The following PSMA8 variants were observed in gnomAD, a reference collection of about 807,000 sequenced individuals.
PSMA8 encodes the protein proteasome subunit alpha-type 8.
PSMA8 carries 18 observed loss-of-function variants against 32.4 expected under a neutral mutation model. The ratio of observed to expected loss-of-function variants is 0.56; its 90% CI spans 0.38 to 0.82. The LOEUF (loss-of-function observed/expected upper bound fraction) is 0.82. PSMA8 is among the 40% of genes least tolerant of loss of function. The pLI, the probability that PSMA8 is intolerant of heterozygous loss-of-function variation, is 0.00. For synonymous variants in PSMA8, 104 were observed against 98.1 expected (o/e 1.06, Z -0.36); for missense variants, 298 against 300.7 (o/e 0.99, Z 0.07).
intron 4 of PSMA8, among the ~76,000 whole-genome samples, chr18:26,166,449 A>T (rs1178331873): frequency 6.6e-6 from 1 of 152,196 alleles, no homozygotes; most frequent in Non-Finnish European, 1.5e-5. Context: ...ATACATTTGC[A>T]ATTAAAAACT....
At chr18:26,177,704 C>G (rs1444259594) in intron 4 of PSMA8, among the ~76,000 whole-genome samples, 1 of 152,114 alleles carries the variant, frequency 6.6e-6, no homozygotes, top group African/African-American at 2.4e-5. Flanking sequence ...AATAGAAGCC[C>G]TTCTTGCTTA....
chr18:26,171,359 G>C lies in PSMA8; in HGVS notation c.478-7471G>C. 7 of 1,433,618 alleles carry C rather than the reference G, an allele frequency of 4.9e-6. 1 individual carries two copies. Among genetic ancestry groups the C allele is most frequent in the Non-Finnish European group, 6.7e-6 (7 of 1,042,514 alleles). The allele number at this position is 1,433,618 out of a possible 1,614,324, so 88.8% of individuals were successfully genotyped here. On this transcript the variant is annotated intron_variant, in intron 4 of 6. Transcript: ENST00000415576. ...CGGTCAAGTTTGGCGCGAAATTGTC[G>C]GTATTTTGTTATGACATACCAAGCA...
intron 1 of PSMA8, among the ~76,000 whole-genome samples, chr18:26,135,082 C>A (rs1041800020): frequency 2.6e-5 from 4 of 152,174 alleles, no homozygotes; most frequent in Non-Finnish European, 5.9e-5. Context: ...AGAGATTACA[C>A]CCTACCTTAG....
intron 6 of PSMA8, among the ~76,000 whole-genome samples, chr18:26,186,664 G>A (rs777230640): frequency 6.6e-6 from 1 of 152,126 alleles, no homozygotes; most frequent in Non-Finnish European, 1.5e-5. Flanking sequence ...CACTGACTAT[G>A]TGCTGAAATT....
At chr18:26,188,897 A>G (rs1826835832) in intron 6 of PSMA8, among the ~76,000 whole-genome samples, 3 of 152,188 alleles carry the variant, frequency 2.0e-5, no homozygotes, top group Admixed American at 1.3e-4. Flanking sequence ...CTACAAAAAC[A>G]TTGGAGAAAA....
chr18:26,191,946 C>A (rs545280162), intron 6 of PSMA8, among the ~76,000 whole-genome samples: 2 of 152,310 alleles, frequency 1.3e-5, no homozygotes, highest in African/African-American at 2.4e-5. Context: ...AATTATTAAA[C>A]CCTATCAGAG....
chr18:26,156,694 T>TTG (rs201991053), intron 3 of PSMA8, among the ~76,000 whole-genome samples: 3,596 of 148,136 alleles, frequency 0.024, 66 homozygotes, highest in Non-Finnish European at 0.033. Flanking sequence ...TTTATATATA[T>TTG]TATATATAAA....
intron 4 of PSMA8, chr18:26,170,942 T>C: frequency 6.4e-7 from 1 of 1,557,400 alleles, no homozygotes; most frequent in Non-Finnish European, 8.6e-7. Context: ...TGCCACCAAC[T>C]ATCCAGACCA....
chr18:26,148,253 T>C (rs1284612488), intron 2 of PSMA8, among the ~76,000 whole-genome samples: 1 of 152,022 alleles, frequency 6.6e-6, no homozygotes, highest in Admixed American at 6.6e-5. Context: ...TTATGAGCAG[T>C]GAGCAAAAAT....
At chr18:26,169,620 G>T (rs574631332) in intron 4 of PSMA8, among the ~76,000 whole-genome samples, 1 of 129,242 alleles carries the variant, frequency 7.7e-6, no homozygotes, top group South Asian at 2.2e-4. Context: ...TGGGTGAATC[G>T]CTTGCGGTCA....
chr18:26,157,728 A>G (rs1384492878), intron 3 of PSMA8, among the ~76,000 whole-genome samples: 1 of 152,166 alleles, frequency 6.6e-6, no homozygotes, highest in East Asian at 1.9e-4. Flanking sequence ...TAATAGTAAC[A>G]TTTATAGCGT....
intron 2 of PSMA8, among the ~76,000 whole-genome samples, chr18:26,149,079 G>C (rs1871047729): frequency 6.6e-6 from 1 of 152,046 alleles, no homozygotes; most frequent in Non-Finnish European, 1.5e-5. Flanking sequence ...TTGGCCTCAA[G>C]TGATCCTCCC....
chr18:26,162,065 T>C (rs1214668490), intron 4 of PSMA8, among the ~76,000 whole-genome samples: 1 of 152,252 alleles, frequency 6.6e-6, no homozygotes, highest in Non-Finnish European at 1.5e-5. Context: ...TATATATTTA[T>C]GGTTGTAAAT....
rs144094987 is a variant in PSMA8, at chr18:26,161,396, C to A, written c.477+3152C>A. Among the ~76,000 whole-genome samples, 372 of 152,326 alleles carry A rather than the reference C, an allele frequency of 2.4e-3. 2 individuals carry two copies. The highest frequency in any genetic ancestry group is 8.5e-3 in the African/African-American group (355 of 41,570). On this transcript the variant is annotated intron_variant, in intron 4 of 6. Coordinates refer to ENST00000415576, the MANE Select transcript of PSMA8 (RefSeq NM_001025096.2). Reference sequence around the variant, plus strand: ...AACCCTATCCCTGTAAGATGTCACACAGCTACTGCTATTACTGAGTCTTCA... The same window carrying A: ...AACCCTATCCCTGTAAGATGTCACAAAGCTACTGCTATTACTGAGTCTTCA...
At position 26,158,780 on chromosome 18, in the gene PSMA8, C is replaced by G. The variant is rs150883897; in HGVS notation, c.477+536C>G. 2.3e-3 allele frequency among the ~76,000 whole-genome samples: 357 copies of G among 152,246 alleles called. 2 individuals are homozygous for G. Among genetic ancestry groups the G allele is most frequent in the African/African-American group, 8.2e-3 (342 of 41,562 alleles). On this transcript the variant is annotated intron_variant, in intron 4 of 6. Coordinates refer to ENST00000415576, the MANE Select transcript of PSMA8 (RefSeq NM_001025096.2). Reference sequence around the variant, plus strand: ...TTTTGACACCCAACTACAGTAATGACTTTGTTTAATGGTGCACTCAAATCC... The same window carrying G: ...TTTTGACACCCAACTACAGTAATGAGTTTGTTTAATGGTGCACTCAAATCC...
chr18:26,164,841 T>TTATAATA (rs2055165057), intron 4 of PSMA8, among the ~76,000 whole-genome samples: 1 of 152,184 alleles, frequency 6.6e-6, no homozygotes, highest in Non-Finnish European at 1.5e-5. Flanking sequence ...TATAATGTAA[T>TTATAATA]TATATAAGAG....
chr18:26,190,070 C>T (rs914019391), intron 6 of PSMA8, among the ~76,000 whole-genome samples: 4 of 151,930 alleles, frequency 2.6e-5, no homozygotes, highest in Non-Finnish European at 5.9e-5. Flanking sequence ...TGTTTTTACT[C>T]ATTTGTGGAA....
At chr18:26,165,640 C>T (rs2055172812) in intron 4 of PSMA8, among the ~76,000 whole-genome samples, 1 of 151,630 alleles carries the variant, frequency 6.6e-6, no homozygotes, top group African/African-American at 2.4e-5. Context: ...TTACTATGTA[C>T]TAGGTACTCT....
chr18:26,151,771 T>C, intron 2 of PSMA8, 87 bp from the exon 3 acceptor site: 3 of 1,248,862 alleles, frequency 2.4e-6, no homozygotes, highest in Non-Finnish European at 3.3e-6. Flanking sequence ...AAAGATTTCA[T>C]TGTGAATAAA....
Sources: gnomAD v4.1 joint callset for allele counts (sites outside exome capture counted in the v4.1 genomes callset) on GRCh38, gnomAD v4.1.1 for gene constraint, MANE v1.5 for transcripts, NCBI Gene and HGNC (gene_info 2026-07-23, HGNC 2026-07-21) for gene names.